ICAM4: variants seen among roughly 807,000 people sequenced by gnomAD.
ICAM4 encodes the protein intercellular adhesion molecule 4 (Landsteiner-Wiener blood group), also known as intercellular adhesion molecule 4.
In ICAM4, 16 loss-of-function variants were observed where a neutral mutation model predicts 18.8. The ratio of observed to expected loss-of-function variants is 0.85; its 90% CI spans 0.58 to 1.29. ICAM4 has a LOEUF of 1.29. Among genes scored for constraint, ICAM4 ranks in the 50% most tolerant of loss-of-function variants. The pLI is 0.00. For synonymous variants in ICAM4, 163 were observed against 163.2 expected, an observed-to-expected ratio of 1.00 and a Z score of 0.01; for missense variants, 338 against 364.3, an observed-to-expected ratio of 0.93 and a Z score of 0.59.
Position 10,287,646 on chromosome 19 carries a change from A to AG in ICAM4, c.507dup (p.His170AlafsTer130), listed in dbSNP as rs1410504739. On this transcript the variant is annotated frameshift_variant, in exon 2 of 3. Coordinates refer to ENST00000380770, the MANE Select transcript of ICAM4 (RefSeq NM_001544.5). LOFTEE classifies it high-confidence loss of function. The surrounding 1 kb of genome is among the most constrained non-coding windows in gnomAD (Gnocchi z 8.7). Reference sequence around the variant, plus strand: ...GGTGGGCTACTTGGTGGTGACCCTGAGGCATGGAAGCCGGGTCATCTATTC... The same window carrying AG: ...GGTGGGCTACTTGGTGGTGACCCTGAGGGCATGGAAGCCGGGTCATCTATTC... 6.2e-7 allele frequency: 1 copy of AG among 1,613,972 alleles called. No individual in the cohort carries two copies. Among genetic ancestry groups the AG allele is most frequent in the Admixed American group, 1.7e-5 (1 of 60,000 alleles).
chr19:10,288,080 C>G lies in ICAM4; in HGVS notation c.792C>G (p.Cys264Trp). The change falls in exon 3 of 3, where the codon TGC becomes TGG. Residue 264 changes from cysteine to tryptophan, a missense_variant. Cys to Trp is a radical substitution (Grantham distance 215). Transcript: ENST00000380770. ...TGGGCGCTGCGTACCTATGCAAGTG[C>G]CTAGCTATGAAGTCCCAGGCGTAAA... The part of the protein sequence containing the change: ...LTVGAAYLCK[C>W]LAMKSQA 1 of 1,614,154 alleles carries G rather than the reference C, an allele frequency of 6.2e-7. No homozygotes were observed.
chr19:10,287,483 C>T lies in ICAM4; in HGVS notation c.395-53C>T, dbSNP rs978196401. The T allele has an allele frequency of 9.0e-5, 144 of 1,593,080 alleles. No homozygotes were observed. The highest frequency in any genetic ancestry group is 1.2e-4 in the Non-Finnish European group (137 of 1,168,290). On this transcript the variant is annotated intron_variant, in intron 1 of 2. Transcript: ENST00000380770. The surrounding 1 kb of genome is among the most constrained non-coding windows in gnomAD (Gnocchi z 8.7). Reference sequence around the variant, plus strand: ...AGGTGGGGGAAGGGTAGTTGACAGTCGCTCTATAGGGAGCGCCCGCGGACC... The same window carrying T: ...AGGTGGGGGAAGGGTAGTTGACAGTTGCTCTATAGGGAGCGCCCGCGGACC...
Position 10,287,558 on chromosome 19 carries a change from G to A in ICAM4, c.417G>A (p.Leu139=). ...TAYKPPHSVI[L]EPPVLKGRKY... is the part of the protein sequence containing the mutation. ...TAGAACCGCCCCACAGCGTGATTTT[G>A]GAGCCTCCGGTCTTAAAGGGCAGGA... The change falls in exon 2 of 3, where the codon TTG becomes TTA. Residue 139 remains leucine, a synonymous_variant. Transcript: ENST00000380770. The surrounding 1 kb of genome is among the most constrained non-coding windows in gnomAD (Gnocchi z 8.7). 6.2e-7 allele frequency: 1 copy of A among 1,613,634 alleles called. No individual in the cohort carries two copies. Among genetic ancestry groups the A allele is most frequent in the Non-Finnish European group, 8.5e-7 (1 of 1,179,660 alleles).
rs770634773 is a variant in ICAM4, at chr19:10,288,154, A to G, written c.*50A>G. The G allele has an allele frequency of 2.5e-6, 4 of 1,613,908 alleles. No individual in the cohort carries two copies. Among genetic ancestry groups the G allele is most frequent in the Non-Finnish European group, 2.5e-6 (3 of 1,179,958 alleles). On this transcript the variant is annotated 3_prime_UTR_variant, in exon 3 of 3. Transcript: ENST00000380770. ...GCGAGAAAAAGAGGAATATGAAACA[A>G]TCTGGGGAAATGGCCATACATGGTG... is the stretch of plus-strand genomic sequence containing the variant.
At position 10,287,350 on chromosome 19, in the gene ICAM4, G is replaced by T. The variant is rs367613286; in HGVS notation, c.338G>T (p.Cys113Phe). 2 of 1,611,986 alleles carry T rather than the reference G, an allele frequency of 1.2e-6. No homozygotes were observed. Among genetic ancestry groups the T allele is most frequent in the Non-Finnish European group, 1.7e-6 (2 of 1,179,330 alleles). ...AGGGCCTGGAGCTCCCTCGCGCACT[G>T]CCTCGTGACCTGCGCAGGAAAAACA... ...DVRAWSSLAH[C>F]LVTCAGKTRW... The change falls in exon 1 of 3, where the codon TGC becomes TTC. Residue 113 changes from cysteine (C) to phenylalanine (F), a missense_variant. By Grantham distance (205) the Cys-to-Phe change is radical. Coordinates refer to ENST00000380770, the MANE Select transcript of ICAM4 (RefSeq NM_001544.5). The surrounding 1 kb of genome is among the most constrained non-coding windows in gnomAD (Gnocchi z 8.7).
Position 10,287,093 on chromosome 19 carries a change from G to GAC in ICAM4, c.82_83dup (p.Lys29LeufsTer25). 6.3e-7 allele frequency: 1 copy of GAC among 1,598,340 alleles called. No homozygotes were observed. Among genetic ancestry groups the GAC allele is most frequent in the Non-Finnish European group, 8.5e-7 (1 of 1,169,866 alleles). The stretch of plus-strand genomic sequence containing the variant: ...GAGTTGGGAGCGCGCTGGGACGCCG[G>GAC]ACTAAGCGGGCGCAAAGCCCCAAGG... On this transcript the variant is annotated frameshift_variant, in exon 1 of 3. Coordinates refer to ENST00000380770, the MANE Select transcript of ICAM4 (RefSeq NM_001544.5). LOFTEE classifies it high-confidence loss of function. This position sits in a 1 kb window ranked among gnomAD's most constrained non-coding sequence, Gnocchi z 8.7.
chr19:10,287,841 GA>G lies in ICAM4; in HGVS notation c.697+4del. On this transcript the variant is annotated splice_donor_region_variant and intron_variant, in intron 2 of 2. Transcript: ENST00000380770. This position sits in a 1 kb window ranked among gnomAD's most constrained non-coding sequence, Gnocchi z 8.7. The stretch of plus-strand genomic sequence containing the variant: ...GGCACCCATTACACTGATGCTCGGT[GA>G]GGCACCCCTGTAACCCTGGGGACTA... The G allele has an allele frequency of 6.2e-7, 1 of 1,610,404 alleles. No individual in the cohort carries two copies. The highest frequency in any genetic ancestry group is 8.5e-7 in the Non-Finnish European group (1 of 1,179,838).
Position 10,288,489 on chromosome 19 carries a change from C to A in ICAM4, c.*385C>A. On this transcript the variant is annotated 3_prime_UTR_variant, in exon 3 of 3. Coordinates refer to ENST00000380770, the MANE Select transcript of ICAM4 (RefSeq NM_001544.5). ...ATAAAAATAAATATTGGCGGGGGAA[C>A]CCTCTGGAATCAATAAAGGCTTCCT... The A allele has an allele frequency of 2.9e-6, 1 of 340,030 alleles. No homozygotes were observed. The highest frequency in any genetic ancestry group is 5.6e-6 in the Non-Finnish European group (1 of 179,910). The allele number at this position is 340,030 out of a possible 1,614,324, so 21.1% of individuals were successfully genotyped here. A position where few individuals can be genotyped will look rare whatever the true frequency, so the allele number is the denominator to read the frequency against.
At position 10,288,265 on chromosome 19, in the gene ICAM4, T is replaced by A. The variant is rs1004301233; in HGVS notation, c.*161T>A. 4.6e-6 allele frequency: 5 copies of A among 1,090,290 alleles called. No individual in the cohort carries two copies. Among genetic ancestry groups the A allele is most frequent in the African/African-American group, 3.1e-5 (2 of 64,238 alleles). 67.5% of individuals were successfully genotyped at this position (1,090,290 alleles called of 1,614,324 possible). On this transcript the variant is annotated 3_prime_UTR_variant, in exon 3 of 3. Transcript: ENST00000380770. ...GAGTTCGAGACCAGCCTGGACAACA[T>A]AGTGAGACCCCGTCTATGCAAAAAA...
rs55900686 is a variant in ICAM4 at position 10,288,199 on chromosome 19, G to A, written c.*95G>A. The A allele has an allele frequency of 6.3e-7, 1 of 1,598,570 alleles. No homozygotes were observed. Among genetic ancestry groups the A allele is most frequent in the Non-Finnish European group, 8.6e-7 (1 of 1,168,448 alleles). ...ATGGTGGCTGACGCCTGTAATCCCA[G>A]CACTTTGGGAGGCCGAGGCAGGAGA... On this transcript the variant is annotated 3_prime_UTR_variant, in exon 3 of 3. Coordinates refer to ENST00000380770, the MANE Select transcript of ICAM4 (RefSeq NM_001544.5).
Position 10,287,094 on chromosome 19 carries a change from A to G in ICAM4, c.82A>G (p.Thr28Ala), listed in dbSNP as rs763026963. ...AGTTGGGAGCGCGCTGGGACGCCGG[A>G]CTAAGCGGGCGCAAAGCCCCAAGGG... ...PGVGSALGRRTKRAQSPKGSP... is the reference protein window; with the variant it reads ...PGVGSALGRRAKRAQSPKGSP... The change falls in exon 1 of 3, where the codon ACT (threonine) becomes GCT (alanine). Residue 28 changes from threonine (T) to alanine (A), a missense_variant. Thr to Ala is a moderately conservative substitution (Grantham distance 58). Transcript: ENST00000380770. The surrounding 1 kb of genome is among the most constrained non-coding windows in gnomAD (Gnocchi z 8.7). 3.1e-6 allele frequency: 5 copies of G among 1,598,172 alleles called. No homozygotes were observed. In the Admixed American group the frequency reaches 5.1e-5, roughly 16 times the overall value.
rs141101411 is a variant in ICAM4, at chr19:10,288,151, A to G, written c.*47A>G. On this transcript the variant is annotated 3_prime_UTR_variant, in exon 3 of 3. Coordinates refer to ENST00000380770, the MANE Select transcript of ICAM4 (RefSeq NM_001544.5). The stretch of plus-strand genomic sequence containing the variant: ...TGAGCGAGAAAAAGAGGAATATGAA[A>G]CAATCTGGGGAAATGGCCATACATG... The G allele has an allele frequency of 1.8e-3, 2,973 of 1,613,984 alleles. 3 individuals carry two copies. Among genetic ancestry groups the G allele is most frequent in the Non-Finnish European group, 2.3e-3 (2,672 of 1,179,980 alleles).
chr19:10,287,107 A>G lies in ICAM4; in HGVS notation c.95A>G (p.Gln32Arg), dbSNP rs1162214187. 2 of 1,600,088 alleles carry G rather than the reference A, an allele frequency of 1.2e-6. No individual in the cohort carries two copies. Residue 32 changes from glutamine to arginine, a missense_variant, in exon 1 of 3, where the codon CAA (glutamine) becomes CGA (arginine). By Grantham distance (43) the Gln-to-Arg change is conservative (BLOSUM62 1). Transcript: ENST00000380770. The surrounding 1 kb of genome is among the most constrained non-coding windows in gnomAD (Gnocchi z 8.7). ...SALGRRTKRA[Q>R]SPKGSPLAPS... ...CTGGGACGCCGGACTAAGCGGGCGC[A>G]AAGCCCCAAGGGTAGCCCTCTCGCG...
In ICAM4 at chr19:10,287,501, C is replaced by A. The variant is rs542450359; in HGVS notation, c.395-35C>A. On this transcript the variant is annotated intron_variant, in intron 1 of 2. Transcript: ENST00000380770. The surrounding 1 kb of genome is among the most constrained non-coding windows in gnomAD (Gnocchi z 8.7). ...TGACAGTCGCTCTATAGGGAGCGCC[C>A]GCGGACCTCACTCAGAGGCTCCCCC... 1.2e-6 allele frequency: 2 copies of A among 1,602,636 alleles called. No homozygotes were observed. The highest frequency in any genetic ancestry group is 1.1e-5 in the South Asian group (1 of 89,986).
In ICAM4 at chr19:10,287,576, G is replaced by A. The variant is rs1181201904; in HGVS notation, c.435G>A (p.Lys145=). The A allele has an allele frequency of 7.4e-6, 12 of 1,614,048 alleles. No homozygotes were observed. Among genetic ancestry groups the A allele is most frequent in the Non-Finnish European group, 1.0e-5 (12 of 1,179,972 alleles). ...HSVILEPPVL[K]GRKYTLRCHV... ...TGATTTTGGAGCCTCCGGTCTTAAA[G>A]GGCAGGAAATACACTTTGCGCTGCC... The change falls in exon 2 of 3, where the codon AAG becomes AAA. Residue 145 remains lysine (K), a synonymous_variant. Transcript: ENST00000380770. This position sits in a 1 kb window ranked among gnomAD's most constrained non-coding sequence, Gnocchi z 8.7.
At position 10,287,777 on chromosome 19, in the gene ICAM4, G is replaced by A. The variant is rs1366322253; in HGVS notation, c.636G>A (p.Ala212=). The A allele has an allele frequency of 1.2e-6, 2 of 1,613,586 alleles. No individual in the cohort carries two copies. Among genetic ancestry groups the A allele is most frequent in the African/African-American group, 1.3e-5 (1 of 75,022 alleles). The change falls in exon 2 of 3, where the codon GCG becomes GCA. Residue 212 remains alanine, a synonymous_variant. Transcript: ENST00000380770. The surrounding 1 kb of genome is among the most constrained non-coding windows in gnomAD (Gnocchi z 8.7). ...TCTGGCAGCCCGTGATCTGCCACGC[G>A]CGCCTCAATCTCGACGGCCTGGTGG... ...RDFWQPVICH[A]RLNLDGLVVR...
rs2040126288 is a variant in ICAM4 at position 10,287,499 on chromosome 19, C to A, written c.395-37C>A. The A allele has an allele frequency of 1.2e-6, 2 of 1,602,184 alleles. No homozygotes were observed. The highest frequency in any genetic ancestry group is 1.7e-6 in the Non-Finnish European group (2 of 1,173,010). ...GTTGACAGTCGCTCTATAGGGAGCG[C>A]CCGCGGACCTCACTCAGAGGCTCCC... On this transcript the variant is annotated intron_variant, in intron 1 of 2. Coordinates refer to ENST00000380770, the MANE Select transcript of ICAM4 (RefSeq NM_001544.5). The surrounding 1 kb of genome is among the most constrained non-coding windows in gnomAD (Gnocchi z 8.7).
rs868059207 is a variant in ICAM4 at position 10,287,198 on chromosome 19, G to A, written c.186G>A (p.Gly62=). Residue 62 remains glycine (G), a synonymous_variant, in exon 1 of 3, where the codon GGG becomes GGA. Transcript: ENST00000380770. The surrounding 1 kb of genome is among the most constrained non-coding windows in gnomAD (Gnocchi z 8.7). ...MSPEFVAVQP[G]KSVQLNCSNS... is the part of the protein sequence containing the mutation. ...CGGAGTTCGTGGCTGTGCAGCCGGG[G>A]AAGTCAGTGCAGCTCAATTGCAGCA... 9.9e-6 allele frequency: 16 copies of A among 1,612,470 alleles called. No individual in the cohort carries two copies. Among genetic ancestry groups the A allele is most frequent in the Non-Finnish European group, 1.3e-5 (15 of 1,179,518 alleles).
In ICAM4 at chr19:10,287,796, C is replaced by T. The variant is rs1270556293; in HGVS notation, c.655C>T (p.Leu219=). 6.2e-7 allele frequency: 1 copy of T among 1,613,304 alleles called. No homozygotes were observed. The highest frequency in any genetic ancestry group is 8.5e-7 in the Non-Finnish European group (1 of 1,180,034). The part of the protein sequence containing the change: ...ICHARLNLDG[L]VVRNSSAPIT... ...CCACGCGCGCCTCAATCTCGACGGCCTGGTGGTCCGCAACAGCTCGGCACC... is the reference window on the plus strand; with the variant it reads ...CCACGCGCGCCTCAATCTCGACGGCTTGGTGGTCCGCAACAGCTCGGCACC... Residue 219 remains leucine (L), a synonymous_variant, in exon 2 of 3, where the codon CTG becomes TTG. Coordinates refer to ENST00000380770, the MANE Select transcript of ICAM4 (RefSeq NM_001544.5). This position sits in a 1 kb window ranked among gnomAD's most constrained non-coding sequence, Gnocchi z 8.7.
Sources: allele counts gnomAD v4.1 joint callset, GRCh38; gene constraint gnomAD v4.1.1; non-coding constraint Gnocchi (gnomAD v3.1); transcripts MANE v1.5; gene names NCBI Gene and HGNC (gene_info 2026-07-23, HGNC 2026-07-21).